The following XPC variants were observed in gnomAD, a reference collection of about 807,000 sequenced individuals.
XPC encodes the protein XPC complex subunit, DNA damage recognition and repair factor, also known as DNA repair protein complementing XP-C cells.
Under a neutral mutation model 95.8 loss-of-function variants are expected in XPC, and 76 were observed. The observed-to-expected ratio is 0.79, with a 90% confidence interval of 0.66 to 0.96. XPC has a LOEUF of 0.96. XPC is among the 40% of genes least tolerant of loss of function. The pLI is 0.00. For missense variants in XPC, 1,146 were observed against 1,179.8 expected (o/e 0.97, Z 0.42); for synonymous variants, 442 against 442.1 (o/e 1.00, Z 0.00).
intron 11 of XPC, among the ~76,000 whole-genome samples, chr3:14,150,847 A>C (rs1268031585): frequency 2.0e-5 from 3 of 152,212 alleles, no homozygotes; most frequent in Non-Finnish European, 4.4e-5. Context: ...AGGTGGGAGA[A>C]CACTGGGACC....
At chr3:14,149,114 C>T (rs1276369377) in intron 11 of XPC, among the ~76,000 whole-genome samples, 166 bp from the exon 12 acceptor site, 6 of 151,608 alleles carry the variant, frequency 4.0e-5, no homozygotes, top group East Asian at 1.9e-4. Flanking sequence ...GACAGAGTCT[C>T]GCTCTGTCGC....
At chr3:14,176,373 G>A (rs1049216397) in intron 1 of XPC, among the ~76,000 whole-genome samples, 50 of 152,164 alleles carry the variant, frequency 3.3e-4, no homozygotes, top group Non-Finnish European at 1.2e-4. Context: ...AGCGTTCCCC[G>A]ATCACGCCAG....
intron 5 of XPC, among the ~76,000 whole-genome samples, chr3:14,166,910 A>T (rs1696402188): frequency 6.6e-6 from 1 of 152,208 alleles, no homozygotes. Flanking sequence ...GAAAGGAGAG[A>T]TGGAAGGCAA....
chr3:14,152,679 G>A (rs1436825436), intron 10 of XPC: 1 of 410,300 alleles, frequency 2.4e-6, no homozygotes, highest in African/African-American at 2.1e-5. Flanking sequence ...CCCTTCATAG[G>A]TTTTCTTCTC....
chr3:14,178,378 C>T, intron 1 of XPC, 88 bp downstream of exon 1: 2 of 1,419,910 alleles, frequency 1.4e-6, no homozygotes, highest in Non-Finnish European at 9.3e-7. Context: ...CTCCACCAGG[C>T]CTCCGCGTCT....
At chr3:14,166,108 A>G (rs956019866) in intron 5 of XPC, 1 of 155,152 alleles carries the variant, frequency 6.4e-6, no homozygotes, top group Non-Finnish European at 1.4e-5. Flanking sequence ...TGACCCCAAA[A>G]CCCACCCTTC....
chr3:14,146,784 CTA>C (rs1350217700), intron 15 of XPC, among the ~76,000 whole-genome samples: 2 of 152,204 alleles, frequency 1.3e-5, no homozygotes, highest in Non-Finnish European at 2.9e-5. Context: ...ACAGCACTGA[CTA>C]TACCATGTAA....
At chr3:14,163,396 T>C (rs1224110808) in intron 7 of XPC, among the ~76,000 whole-genome samples, 1 of 152,190 alleles carries the variant, frequency 6.6e-6, no homozygotes, top group African/African-American at 2.4e-5. Context: ...TGTATAAACA[T>C]GTAATGGAAT....
chr3:14,147,303 C>T lies in XPC; in HGVS notation c.2591G>A (p.Arg864His), dbSNP rs776645102. 2.2e-5 allele frequency: 36 copies of T among 1,610,510 alleles called. No individual in the cohort carries two copies. The highest frequency in any genetic ancestry group is 4.5e-5 in the East Asian group (2 of 44,796). ...GLLIRERLKR[R>H]YGPKSEAAAP... is the part of the protein sequence containing the mutation. The stretch of plus-strand genomic sequence containing the variant: ...ACCTGCACTGACCTTGGGCCCGTAG[C>T]GACGCTTCAGCCTCTCCCTGATGAG... Residue 864 changes from arginine (R) to histidine (H), a missense_variant, in exon 15 of 16, where the codon CGC (arginine) becomes CAC (histidine). By Grantham distance (29) the Arg-to-His change is conservative (BLOSUM62 0). Transcript: ENST00000285021.
At chr3:14,176,935 T>C (rs1041084925) in intron 1 of XPC, among the ~76,000 whole-genome samples, 5 of 152,228 alleles carry the variant, frequency 3.3e-5, no homozygotes, top group Middle Eastern at 3.4e-3. Context: ...ACCCCATCTA[T>C]ACAAAAATAC....
At chr3:14,164,652 G>T in intron 7 of XPC, 161 bp downstream of exon 7, 1 of 662,436 alleles carries the variant, frequency 1.5e-6, no homozygotes, top group Non-Finnish European at 2.4e-6. Context: ...GACCTTAGAG[G>T]CATCATGTAG....
Position 14,156,479 on chromosome 3 carries a change from A to G in XPC, c.1889T>C (p.Met630Thr), listed in dbSNP as rs772861101. Residue 630 changes from methionine to threonine, a missense_variant, in exon 10 of 16, where the codon ATG (methionine) becomes ACG (threonine). Coordinates refer to ENST00000285021, the MANE Select transcript of XPC (RefSeq NM_004628.5). ...KEDLEFQAKHMDQPLPTAIGL... is the reference protein window; with the variant it reads ...KEDLEFQAKHTDQPLPTAIGL... ...AATGGCAGTGGGCAAAGGCTGGTCC[A>G]TGTGTTTAGCCTGAAACTGCAAAGG... 9.3e-6 allele frequency: 15 copies of G among 1,614,006 alleles called. No individual in the cohort carries two copies. The East Asian group carries it at 1.6e-4, about 17-fold the overall frequency.
At chr3:14,152,702 G>C (rs967057624) in intron 10 of XPC, 10 of 336,634 alleles carry the variant, frequency 3.0e-5, no homozygotes, top group African/African-American at 2.2e-4. Flanking sequence ...CTGCTGTCCA[G>C]AGCCTGTGAG....
At chr3:14,167,445 C>T (rs906864746) in intron 4 of XPC, among the ~76,000 whole-genome samples, 192 bp from the exon 5 acceptor site, 1 of 152,154 alleles carries the variant, frequency 6.6e-6, no homozygotes, top group Non-Finnish European at 1.5e-5. Flanking sequence ...CACCAGCAAA[C>T]CTCGGCCTGG....
In XPC at chr3:14,170,512, T is replaced by C. The variant is rs560354293; in HGVS notation, c.338A>G (p.Lys113Arg). The C allele has an allele frequency of 6.3e-5, 102 of 1,613,704 alleles. 1 individual carries two copies. The South Asian group carries it at 1.0e-3, about 16-fold the overall frequency. Residue 113 changes from lysine (K) to arginine (R), a missense_variant, in exon 3 of 16, where the codon AAG (lysine) becomes AGG (arginine). Physicochemically the swap from Lys to Arg is conservative, Grantham distance 26. Coordinates refer to ENST00000285021, the MANE Select transcript of XPC (RefSeq NM_004628.5). ...GTCTTCATTCATGGTAGCCCCTCTC[T>C]TCAGATGGTGTGCCTTCTTGAGGTC... ...PSDLKKAHHL[K>R]RGATMNEDSN...
chr3:14,165,877 G>A lies in XPC; in HGVS notation c.622-292C>T, dbSNP rs1574970159. 1.2e-5 allele frequency: 4 copies of A among 329,806 alleles called. No homozygotes were observed. In the East Asian group the frequency reaches 2.6e-4, roughly 22 times the overall value. 20.4% of individuals were successfully genotyped at this position (329,806 alleles called of 1,614,324 possible). On this transcript the variant is annotated intron_variant, in intron 5 of 15. Coordinates refer to ENST00000285021, the MANE Select transcript of XPC (RefSeq NM_004628.5). ...TTTTGTTTTGGTCTTGTCTTTCAGAGATACATACTGAAAGATTTCTGGATG... is the reference window on the plus strand; with the variant it reads ...TTTTGTTTTGGTCTTGTCTTTCAGAAATACATACTGAAAGATTTCTGGATG...
At position 14,176,088 on chromosome 3, in the gene XPC, T is replaced by C. The variant is rs139346088; in HGVS notation, c.103+2378A>G. 3.0e-4 allele frequency among the ~76,000 whole-genome samples: 45 copies of C among 152,322 alleles called. No individual in the cohort carries two copies. The East Asian group carries it at 8.3e-3, about 28-fold the overall frequency. ...TCACAGCCACCCCGCAAGGCAGTTA[T>C]TACATTTCACAGAGGAAATTCAGAA... On this transcript the variant is annotated intron_variant, in intron 1 of 15. Transcript: ENST00000285021.
In XPC at chr3:14,158,627, C is replaced by A. The variant is rs774271132; in HGVS notation, c.1256G>T (p.Gly419Val). The A allele has an allele frequency of 1.9e-6, 3 of 1,613,920 alleles. No individual in the cohort carries two copies. The highest frequency in any genetic ancestry group is 2.5e-6 in the Non-Finnish European group (3 of 1,179,884). The change falls in exon 9 of 16, where the codon GGC becomes GTC. Residue 419 changes from glycine to valine, a missense_variant. Gly to Val is a moderately radical substitution (Grantham distance 109). Transcript: ENST00000285021. This position sits in a 1 kb window ranked among gnomAD's most constrained non-coding sequence, Gnocchi z 5.2. Reference protein sequence around the residue: ...QEKATQRRPHGRERRVASRVS... With the variant: ...QEKATQRRPHVRERRVASRVS... ...CCTGGAGGCCACCCGCCGCTCCCGG[C>A]CATGCGGACGTCGCTGGGTTGCCTT...
At chr3:14,146,308 C>A in intron 15 of XPC, 149 bp from the exon 16 acceptor site, 1 of 735,156 alleles carries the variant, frequency 1.4e-6, no homozygotes, top group Admixed American at 2.6e-5. Context: ...GGAGAGAGCC[C>A]AGACCCTTCT....
Sources: allele counts gnomAD v4.1 joint callset (sites outside exome capture counted in the v4.1 genomes callset), GRCh38; gene constraint gnomAD v4.1.1; non-coding constraint Gnocchi (gnomAD v3.1); transcripts MANE v1.5; gene names NCBI Gene and HGNC (gene_info 2026-07-23, HGNC 2026-07-21).